MYO16: variants seen among roughly 807,000 people sequenced by gnomAD.
MYO16 encodes the protein myosin XVI.
In MYO16, 94 loss-of-function variants were observed where a neutral mutation model predicts 205.3. That is an observed-to-expected ratio of 0.46 (90% CI 0.39 to 0.54). MYO16 has a LOEUF of 0.54. Among genes scored for constraint, MYO16 ranks in the 20% least tolerant of loss-of-function variants. The pLI, the probability that MYO16 is intolerant of heterozygous loss-of-function variation, is 0.00. For synonymous variants in MYO16, 988 were observed against 954.0 expected (o/e 1.04, Z -0.66); for missense variants, 2,315 against 2,387.5 (o/e 0.97, Z 0.63).
At chr13:108,498,091 G>A in the MYO16 span, among the ~76,000 whole-genome samples, 6 of 152,288 alleles carry the variant, frequency 3.9e-5, no homozygotes, top group African/African-American at 1.2e-4. Context: ...GAAGAGATAC[G>A]GCATTGGAAC....
Position 108,866,210 on chromosome 13 carries a change from C to G in MYO16, c.1393C>G (p.Pro465Ala). 1 of 1,602,136 alleles carries G rather than the reference C, an allele frequency of 6.2e-7. No homozygotes were observed. The highest frequency in any genetic ancestry group is 8.5e-7 in the Non-Finnish European group (1 of 1,173,080). Residue 465 changes from proline (P) to alanine (A), a missense_variant, in exon 12 of 35, where the codon CCA (proline) becomes GCA (alanine). Physicochemically the swap from Pro to Ala is conservative, Grantham distance 27 (BLOSUM62 -1). Transcript: ENST00000457511. ...FIGDILLLVN[P>A]YKELPIYSSM... The stretch of plus-strand genomic sequence containing the variant: ...TGGAGACATTCTTTTGCTTGTTAAC[C>G]CATACAAGGAGCTTCCAATTTATTC...
intron 32 of MYO16, among the ~76,000 whole-genome samples, chr13:109,159,075 T>C (rs1436316307): frequency 6.6e-6 from 1 of 152,236 alleles, no homozygotes; most frequent in Non-Finnish European, 1.5e-5. Context: ...TAAAAAACTA[T>C]GTATGGACCT....
the MYO16 span, among the ~76,000 whole-genome samples, chr13:108,517,389 A>G: frequency 6.6e-6 from 1 of 152,216 alleles, no homozygotes; most frequent in Non-Finnish European, 1.5e-5. Flanking sequence ...TGACAGGTTA[A>G]CATTTCAGGC....
intron 12 of MYO16, among the ~76,000 whole-genome samples, chr13:108,869,183 T>C (rs1378419617): frequency 6.6e-6 from 1 of 152,142 alleles, no homozygotes; most frequent in Admixed American, 6.5e-5. Flanking sequence ...TTGAATTTGA[T>C]TGCATTATAT....
At chr13:109,171,398 C>A (rs1168175771) in intron 33 of MYO16, among the ~76,000 whole-genome samples, 1 of 152,192 alleles carries the variant, frequency 6.6e-6, no homozygotes, top group Non-Finnish European at 1.5e-5. Flanking sequence ...ACTTAAAGTT[C>A]TAATTGAATC....
At chr13:108,888,071 A>T (rs186251200) in intron 13 of MYO16, among the ~76,000 whole-genome samples, 1 of 152,242 alleles carries the variant, frequency 6.6e-6, no homozygotes, top group African/African-American at 2.4e-5. Flanking sequence ...ACCCTGTGAG[A>T]TACTGAATGG....
chr13:108,871,111 T>G (rs1239094130), intron 12 of MYO16, among the ~76,000 whole-genome samples: 2 of 152,212 alleles, frequency 1.3e-5, no homozygotes, highest in Non-Finnish European at 2.9e-5. Flanking sequence ...TTTTCTGCTG[T>G]TTTGAATCTG....
intron 2 of MYO16, among the ~76,000 whole-genome samples, chr13:108,671,201 G>T (rs1397043617): frequency 2.0e-5 from 3 of 152,130 alleles, no homozygotes; most frequent in African/African-American, 4.8e-5. Context: ...CTCACATTTT[G>T]CATGGTGTAA....
At chr13:108,717,732 A>G (rs1400004421) in intron 3 of MYO16, among the ~76,000 whole-genome samples, 1 of 152,184 alleles carries the variant, frequency 6.6e-6, no homozygotes, top group Non-Finnish European at 1.5e-5. Flanking sequence ...CATATAGCAC[A>G]ATCGGATATA....
At chr13:109,168,690 A>T (rs936050142) in intron 33 of MYO16, among the ~76,000 whole-genome samples, 1 of 152,194 alleles carries the variant, frequency 6.6e-6, no homozygotes, top group Admixed American at 6.5e-5. Flanking sequence ...GCGCCACTGC[A>T]CTCCAGCCTG....
intron 2 of MYO16, among the ~76,000 whole-genome samples, chr13:108,679,488 G>T (rs1290924367): frequency 6.6e-6 from 1 of 151,968 alleles, no homozygotes; most frequent in Non-Finnish European, 1.5e-5. Context: ...AATAATATTT[G>T]CTCAGTGAGC....
chr13:108,827,986 AGGG>A (rs1876376929), intron 9 of MYO16, among the ~76,000 whole-genome samples: 1 of 151,510 alleles, frequency 6.6e-6, no homozygotes, highest in Non-Finnish European at 1.5e-5. Flanking sequence ...CATTGATGAA[AGGG>A]TTTTTTTTAC....
intron 4 of MYO16, among the ~76,000 whole-genome samples, chr13:108,783,360 T>C (rs928462819): frequency 3.9e-5 from 6 of 152,162 alleles, no homozygotes; most frequent in South Asian, 2.1e-4. Flanking sequence ...CCATTTCGAA[T>C]GGTTGTATTT....
At chr13:108,859,980 C>T (rs1004296239) in intron 11 of MYO16, among the ~76,000 whole-genome samples, 10 of 151,994 alleles carry the variant, frequency 6.6e-5, no homozygotes, top group African/African-American at 9.7e-5. Context: ...CATGCCACTC[C>T]GGGTGACCCA....
At chr13:108,854,332 G>A (rs1878057530) in intron 10 of MYO16, among the ~76,000 whole-genome samples, 2 of 152,018 alleles carry the variant, frequency 1.3e-5, no homozygotes, top group Admixed American at 1.3e-4. Context: ...TAGAAAGCCT[G>A]GGGAGAAAAT....
intron 1 of MYO16, among the ~76,000 whole-genome samples, chr13:108,647,555 T>A (rs1880809067): frequency 6.6e-6 from 1 of 152,222 alleles, no homozygotes; most frequent in South Asian, 2.1e-4. Flanking sequence ...AATTATCCTA[T>A]AACTTCTGCC....
chr13:109,177,319 G>A (rs190054573), intron 33 of MYO16, among the ~76,000 whole-genome samples: 1 of 152,252 alleles, frequency 6.6e-6, no homozygotes, highest in African/African-American at 2.4e-5. Context: ...CAAGGGTGGG[G>A]ACTTTTCTTC....
chr13:109,085,643 A>C (rs1888416543), intron 27 of MYO16, among the ~76,000 whole-genome samples: 1 of 152,240 alleles, frequency 6.6e-6, no homozygotes. Flanking sequence ...TCATTCCTAA[A>C]TGATAGTTTT....
the MYO16 span, among the ~76,000 whole-genome samples, chr13:108,535,295 AC>A: frequency 1.3e-5 from 2 of 152,202 alleles, no homozygotes; most frequent in African/African-American, 2.4e-5. Context: ...AAACAAAAAA[AC>A]AACATCTAAA....
Sources: gnomAD v4.1 joint callset for allele counts (sites outside exome capture counted in the v4.1 genomes callset) on GRCh38, gnomAD v4.1.1 for gene constraint, MANE v1.5 for transcripts, NCBI Gene and HGNC (gene_info 2026-07-23, HGNC 2026-07-21) for gene names.